UBE2V2: variants seen among roughly 807,000 people sequenced by gnomAD.
UBE2V2 encodes ubiquitin-conjugating enzyme E2 variant 2.
In UBE2V2, 9 loss-of-function variants were observed where a neutral mutation model predicts 17.2. The ratio of observed to expected loss-of-function variants is 0.52; its 90% CI spans 0.32 to 0.91. UBE2V2 has a LOEUF of 0.91. UBE2V2 is among the 40% of genes least tolerant of loss of function. The pLI is 0.04. For missense variants in UBE2V2, 133 were observed against 182.6 expected (o/e 0.73, Z 1.56); for synonymous variants, 61 against 57.5 (o/e 1.06, Z -0.28).
intron 1 of UBE2V2, among the ~76,000 whole-genome samples, chr8:48,034,055 T>C (rs928635086): frequency 6.6e-6 from 1 of 152,150 alleles, no homozygotes; most frequent in African/African-American, 2.4e-5. Context: ...TAGCTCCCTA[T>C]TTCCTTTCCA....
chr8:48,026,165 A>G (rs1282409931), intron 1 of UBE2V2, among the ~76,000 whole-genome samples: 1 of 150,794 alleles, frequency 6.6e-6, no homozygotes, highest in Admixed American at 6.6e-5. Context: ...AAAACTGTAT[A>G]TTATCGGGTA....
At position 48,051,330 on chromosome 8, in the gene UBE2V2, TATC is replaced by T. The variant is rs983112752; in HGVS notation, c.291+1361_291+1363del. Among the ~76,000 whole-genome samples, 12 of 152,270 alleles carry T rather than the reference TATC, an allele frequency of 7.9e-5. No homozygotes were observed. The East Asian group carries it at 1.5e-3, about 20-fold the overall frequency. On this transcript the variant is annotated intron_variant, in intron 3 of 3. Coordinates refer to ENST00000523111, the MANE Select transcript of UBE2V2 (RefSeq NM_003350.3). The stretch of plus-strand genomic sequence containing the variant: ...ATACATTTTAGGAAGCAAAATAACA[TATC>T]ATCATCATAAAATGAGTATCATCCA...
In UBE2V2 at chr8:48,016,198, A is replaced by G. The variant is rs948191338; in HGVS notation, c.16+7728A>G. Among the ~76,000 whole-genome samples, 19 of 151,840 alleles carry G rather than the reference A, an allele frequency of 1.3e-4. 1 individual carries two copies. Among genetic ancestry groups the G allele is most frequent in the Admixed American group, 1.2e-3 (18 of 15,222 alleles). On this transcript the variant is annotated intron_variant, in intron 1 of 3. Coordinates refer to ENST00000523111, the MANE Select transcript of UBE2V2 (RefSeq NM_003350.3). ...AGGCGTGAGCCACCGCGCTCAGCCT[A>G]TCCATTTGTTGGTTGATGGATACTT...
At chr8:48,013,304 G>A (rs563359724) in intron 1 of UBE2V2, among the ~76,000 whole-genome samples, 62 of 148,180 alleles carry the variant, frequency 4.2e-4, no homozygotes, top group Non-Finnish European at 7.2e-4. Context: ...ACATTGTAAC[G>A]TGAAACTTTT....
chr8:48,013,600 C>T (rs372820240), intron 1 of UBE2V2, among the ~76,000 whole-genome samples: 17 of 152,240 alleles, frequency 1.1e-4, no homozygotes, highest in South Asian at 6.2e-4. Context: ...TGAGCCACCG[C>T]GCCCGGCCCA....
intron 1 of UBE2V2, among the ~76,000 whole-genome samples, chr8:48,021,001 GCT>G (rs2091300987): frequency 6.6e-6 from 1 of 151,398 alleles, no homozygotes; most frequent in African/African-American, 2.4e-5. Flanking sequence ...CCCACCTTGG[GCT>G]CCAGAGCACT....
chr8:48,034,936 C>A, intron 1 of UBE2V2: 1 of 834,222 alleles, frequency 1.2e-6, no homozygotes, highest in Non-Finnish European at 1.4e-6. Flanking sequence ...CTCCCCCTCC[C>A]TGCAGCCTCT....
intron 1 of UBE2V2, among the ~76,000 whole-genome samples, chr8:48,025,661 G>A (rs1288467273): frequency 3.3e-5 from 5 of 150,548 alleles, no homozygotes; most frequent in South Asian, 2.1e-4. Context: ...GTGCAGTGGC[G>A]TGATCTCGGC....
At chr8:48,033,008 A>G (rs1334535709) in intron 1 of UBE2V2, among the ~76,000 whole-genome samples, 1 of 152,060 alleles carries the variant, frequency 6.6e-6, no homozygotes, top group Non-Finnish European at 1.5e-5. Context: ...CCCACTCAGC[A>G]AGGAATTCCA....
rs188635374 is a variant in UBE2V2 at position 48,033,853 on chromosome 8, A to T, written c.17-9180A>T. 5.2e-3 allele frequency among the ~76,000 whole-genome samples: 789 copies of T among 152,172 alleles called. 12 individuals carry two copies. Among genetic ancestry groups the T allele is most frequent in the African/African-American group, 0.018 (763 of 41,528 alleles). ...GCGACTGTAGTCCCAGCAACTTGGG[A>T]GGCTAAGGTGGGAGGATCGCTTGAG... On this transcript the variant is annotated intron_variant, in intron 1 of 3. Transcript: ENST00000523111.
chr8:48,034,365 TC>T (rs2091406256), intron 1 of UBE2V2, among the ~76,000 whole-genome samples: 1 of 152,264 alleles, frequency 6.6e-6, no homozygotes, highest in South Asian at 2.1e-4. Flanking sequence ...GACCTTGTGA[TC>T]CCCCTGCCTT....
In UBE2V2 at chr8:48,049,920, C is replaced by T. The variant is rs11557786; in HGVS notation, c.233C>T (p.Pro78Leu). The change falls in exon 3 of 4, where the codon CCG becomes CTG. Residue 78 changes from proline to leucine, a missense_variant. Coordinates refer to ENST00000523111, the MANE Select transcript of UBE2V2 (RefSeq NM_003350.3). ...ECGPKYPEAP[P>L]SVRFVTKINM... is the part of the protein sequence containing the mutation. ...GGACCTAAATACCCAGAAGCTCCTC[C>T]GTCAGTTAGATTTGTAACAAAAATT... 5.3e-5 allele frequency: 84 copies of T among 1,583,442 alleles called. 1 individual carries two copies. Among genetic ancestry groups the T allele is most frequent in the South Asian group, 4.9e-4 (42 of 85,452 alleles).
chr8:48,012,509 G>A lies in UBE2V2; in HGVS notation c.16+4039G>A, dbSNP rs554842430. Among the ~76,000 whole-genome samples, 18 of 152,132 alleles carry A rather than the reference G, an allele frequency of 1.2e-4. No individual in the cohort carries two copies. The East Asian group carries it at 1.6e-3, about 13-fold the overall frequency. On this transcript the variant is annotated intron_variant, in intron 1 of 3. Transcript: ENST00000523111. ...CGAGGTGGGCGGATTACCTGAGGTCGGGAGGTTGAGACCAGCTGGACCAAC... is the reference window on the plus strand; with the variant it reads ...CGAGGTGGGCGGATTACCTGAGGTCAGGAGGTTGAGACCAGCTGGACCAAC...
At chr8:48,049,633 A>C in intron 2 of UBE2V2, 1 of 334,434 alleles carries the variant, frequency 3.0e-6, no homozygotes. Context: ...GTAAAATCTC[A>C]TGGAATTAAT....
At chr8:48,045,844 G>A (rs1275234557) in intron 2 of UBE2V2, among the ~76,000 whole-genome samples, 1 of 152,198 alleles carries the variant, frequency 6.6e-6, no homozygotes, top group Non-Finnish European at 1.5e-5. Context: ...GCAGGAGTTG[G>A]TATCTTACCA....
chr8:48,035,632 TGTGTG>T (rs1250902536), intron 1 of UBE2V2, among the ~76,000 whole-genome samples: 2 of 89,050 alleles, frequency 2.2e-5, no homozygotes, highest in African/African-American at 8.6e-5. Flanking sequence ...TTTTTTTTTT[TGTGTG>T]TGTGTGTGTG....
chr8:48,006,421 G>A (rs1228541880), upstream of UBE2V2, among the ~76,000 whole-genome samples: 1 of 151,968 alleles, frequency 6.6e-6, no homozygotes, highest in Non-Finnish European at 1.5e-5. Flanking sequence ...CTGTAGCCTC[G>A]CAGTATAGTT....
intron 2 of UBE2V2, 77 bp from the exon 3 acceptor site, chr8:48,049,774 CCT>C: frequency 1.6e-6 from 2 of 1,263,314 alleles, no homozygotes. Context: ...TTGTACTTTC[CCT>C]TTTTTTTTTT....
chr8:48,019,405 G>C lies in UBE2V2; in HGVS notation c.16+10935G>C, dbSNP rs148251644. Among the ~76,000 whole-genome samples, 119 of 152,192 alleles carry C rather than the reference G, an allele frequency of 7.8e-4. 2 individuals carry two copies. In the East Asian group the frequency reaches 0.021, roughly 27 times the overall value. On this transcript the variant is annotated intron_variant, in intron 1 of 3. Coordinates refer to ENST00000523111, the MANE Select transcript of UBE2V2 (RefSeq NM_003350.3). ...AAATTGGGCGTGGTGGTGGGCTCCT[G>C]TAGTACCAGCTACTCGGGAGGCTGA...
Sources: allele counts gnomAD v4.1 joint callset (sites outside exome capture counted in the v4.1 genomes callset), GRCh38; gene constraint gnomAD v4.1.1; transcripts MANE v1.5; gene names NCBI Gene and HGNC (gene_info 2026-07-23, HGNC 2026-07-21).